Variants in AGMO observed in about 807,000 individuals in gnomAD.
AGMO encodes the protein glyceryl-ether monooxygenase.
In AGMO, 75 loss-of-function variants were observed where a neutral mutation model predicts 60.2. That is an observed-to-expected ratio of 1.25 (90% confidence interval 1.03 to 1.51). The LOEUF (loss-of-function observed/expected upper bound fraction) is 1.51, where lower values mean the gene tolerates loss of function less well. Ranked by LOEUF, AGMO falls within the 40% of genes most tolerant of loss-of-function variation. The pLI is 0.00. For synonymous variants in AGMO, 261 were observed against 177.1 expected (o/e 1.47, Z -3.76); for missense variants, 763 against 525.5 (o/e 1.45, Z -4.42).
rs760289245 is a variant in AGMO, at chr7:15,544,859, T to G, written c.322A>C (p.Asn108His). 5 of 1,608,044 alleles carry G rather than the reference T, an allele frequency of 3.1e-6. No homozygotes were observed. In the South Asian group the frequency reaches 5.5e-5, roughly 18 times the overall value. Reference sequence around the variant, plus strand: ...GTCCATGGAGAATCCCAAGGCAAATTGAACAGCCTGTAGTTCTCCCAGATA... The same window carrying G: ...GTCCATGGAGAATCCCAAGGCAAATGGAACAGCCTGTAGTTCTCCCAGATA... Reference protein sequence around the residue: ...IYIWENYRLFNLPWDSPWTWY... With the variant: ...IYIWENYRLFHLPWDSPWTWY... The change falls in exon 3 of 13, where the codon AAT becomes CAT. Residue 108 changes from asparagine (N) to histidine (H), a missense_variant. Physicochemically the swap from Asn to His is moderately conservative, Grantham distance 68. Transcript: ENST00000342526.
intron 3 of AGMO, among the ~76,000 whole-genome samples, chr7:15,432,379 T>TATATATATATATATATATACACAC (rs373845365): frequency 7.3e-6 from 1 of 136,192 alleles, no homozygotes; most frequent in African/African-American, 2.8e-5. Context: ...CATATATATA[T>TATATATATATATATATATACACAC]ACACTATCTG....
chr7:15,278,646 C>T (rs1017292290), intron 12 of AGMO, among the ~76,000 whole-genome samples: 2 of 152,194 alleles, frequency 1.3e-5, no homozygotes, highest in Non-Finnish European at 2.9e-5. Context: ...CTGTGTAATA[C>T]ACAGCCTGCT....
chr7:15,436,216 T>C (rs1781400182), intron 3 of AGMO, among the ~76,000 whole-genome samples: 2 of 152,214 alleles, frequency 1.3e-5, no homozygotes, highest in Non-Finnish European at 1.5e-5. Flanking sequence ...CTTAGTCCAT[T>C]TTGTTCTGCT....
At chr7:15,383,417 T>TA (rs910574442) in intron 10 of AGMO, among the ~76,000 whole-genome samples, 10 of 151,966 alleles carry the variant, frequency 6.6e-5, no homozygotes, top group Non-Finnish European at 1.0e-4. Flanking sequence ...CCATATACAA[T>TA]AAAAAAACAA....
At chr7:15,313,951 C>T (rs1403262423) in intron 12 of AGMO, among the ~76,000 whole-genome samples, 1 of 151,734 alleles carries the variant, frequency 6.6e-6, no homozygotes, top group African/African-American at 2.4e-5. Context: ...AAAATGCCTA[C>T]TTGATGGATG....
intron 12 of AGMO, among the ~76,000 whole-genome samples, chr7:15,289,943 CTTTTTTTTTTTTT>C (rs36074413): frequency 7.7e-4 from 24 of 31,358 alleles, no homozygotes; most frequent in Non-Finnish European, 7.4e-4. Context: ...TTCCAGAAAT[CTTTTTTTTTTTTT>C]TTTTTTTTTT....
At chr7:15,419,267 C>T (rs1385999642) in intron 4 of AGMO, among the ~76,000 whole-genome samples, 1 of 151,770 alleles carries the variant, frequency 6.6e-6, no homozygotes, top group Non-Finnish European at 1.5e-5. Flanking sequence ...AACAGAAATG[C>T]CTCTTCCTTA....
chr7:15,122,950 G>C, the AGMO span, among the ~76,000 whole-genome samples: 1 of 152,048 alleles, frequency 6.6e-6, no homozygotes, highest in South Asian at 2.1e-4. Flanking sequence ...AAGTCCTCAT[G>C]GTTGCCCACA....
intron 12 of AGMO, among the ~76,000 whole-genome samples, chr7:15,308,975 C>T (rs372532375): frequency 3.9e-5 from 6 of 152,272 alleles, no homozygotes; most frequent in South Asian, 2.1e-4. Flanking sequence ...ACAACTTAAA[C>T]GCTTACTATT....
chr7:15,277,041 C>T (rs57952142), intron 12 of AGMO, among the ~76,000 whole-genome samples: 189 of 151,860 alleles, frequency 1.2e-3, no homozygotes, highest in African/African-American at 3.9e-3. Flanking sequence ...GGTGTGGTGG[C>T]GCACACCTGT....
intron 12 of AGMO, among the ~76,000 whole-genome samples, chr7:15,290,494 A>G (rs1784232982): frequency 6.6e-6 from 1 of 152,210 alleles, no homozygotes; most frequent in Non-Finnish European, 1.5e-5. Context: ...ATAATCAAAT[A>G]CACTCATTAT....
chr7:15,467,838 G>C (rs904540978), intron 3 of AGMO, among the ~76,000 whole-genome samples: 1 of 152,094 alleles, frequency 6.6e-6, no homozygotes, highest in South Asian at 2.1e-4. Context: ...CCCTTTAGAA[G>C]AGTGACTTCA....
At chr7:15,419,434 T>G (rs897657621) in intron 4 of AGMO, among the ~76,000 whole-genome samples, 20 of 151,998 alleles carry the variant, frequency 1.3e-4, no homozygotes, top group Non-Finnish European at 1.5e-5. Context: ...GAGAATAAAA[T>G]GAATCTGACT....
At chr7:15,227,785 C>T (rs186119030) in intron 12 of AGMO, among the ~76,000 whole-genome samples, 1 of 152,186 alleles carries the variant, frequency 6.6e-6, no homozygotes, top group East Asian at 1.9e-4. Context: ...ACTACTAGTT[C>T]CAGAATCCAC....
chr7:15,542,323 G>A (rs1200354518), intron 3 of AGMO, among the ~76,000 whole-genome samples: 1 of 152,048 alleles, frequency 6.6e-6, no homozygotes, highest in Non-Finnish European at 1.5e-5. Flanking sequence ...TTTAATGCCT[G>A]CCTTTTTTAC....
At chr7:15,219,192 AT>A (rs1227273119) in intron 12 of AGMO, among the ~76,000 whole-genome samples, 1 of 152,176 alleles carries the variant, frequency 6.6e-6, no homozygotes, top group African/African-American at 2.4e-5. Context: ...CACCCAGGCC[AT>A]TTCTACTCTT....
intron 10 of AGMO, among the ~76,000 whole-genome samples, chr7:15,384,632 AT>A (rs1459173732): frequency 4.6e-5 from 7 of 152,004 alleles, no homozygotes; most frequent in Non-Finnish European, 1.0e-4. Flanking sequence ...GAGGTTTTTC[AT>A]GGGGTGCTTA....
intron 12 of AGMO, among the ~76,000 whole-genome samples, chr7:15,270,910 T>A (rs1783586528): frequency 6.6e-6 from 1 of 152,018 alleles, no homozygotes; most frequent in Non-Finnish European, 1.5e-5. Flanking sequence ...CACCATTTAG[T>A]GAATAGGGTG....
chr7:15,366,761 C>T (rs754066239), intron 10 of AGMO, among the ~76,000 whole-genome samples: 7 of 151,974 alleles, frequency 4.6e-5, no homozygotes, highest in Non-Finnish European at 8.8e-5. Flanking sequence ...CTTTTTAACG[C>T]TTAAACATTA....
Sources: gnomAD v4.1 joint callset for allele counts (sites outside exome capture counted in the v4.1 genomes callset) on GRCh38, gnomAD v4.1.1 for gene constraint, MANE v1.5 for transcripts, NCBI Gene and HGNC (gene_info 2026-07-23, HGNC 2026-07-21) for gene names.